Variants in XKR6 observed in about 807,000 individuals in gnomAD.
The protein encoded by XKR6 is XK related 6.
Under a neutral mutation model 56.7 loss-of-function variants are expected in XKR6, and 22 were observed. The ratio of observed to expected loss-of-function variants is 0.39; its 90% confidence interval spans 0.28 to 0.55. XKR6 has a LOEUF of 0.55. XKR6 is among the 20% of genes least tolerant of loss of function. The probability of loss-of-function intolerance (pLI) is 0.66; values close to 1 mark genes in which losing one functional copy is unlikely to be tolerated. For synonymous variants in XKR6, 524 were observed against 387.8 expected (o/e 1.35, Z -4.13); for missense variants, 852 against 889.0 (o/e 0.96, Z 0.53).
At chr8:10,919,741 T>C (rs1800659938) in intron 2 of XKR6, among the ~76,000 whole-genome samples, 1 of 152,204 alleles carries the variant, frequency 6.6e-6, no homozygotes, top group Non-Finnish European at 1.5e-5. Context: ...GGACTGCTTT[T>C]CCAACCCTTT....
intron 1 of XKR6, among the ~76,000 whole-genome samples, chr8:11,051,174 A>C (rs1799535633): frequency 1.3e-5 from 2 of 149,510 alleles, no homozygotes; most frequent in African/African-American, 4.9e-5. Context: ...CATCTGCTAG[A>C]CTCCTTTCTT....
In XKR6 at chr8:11,126,296, G is replaced by A. The variant is rs192320002; in HGVS notation, c.764+74280C>T. 6.6e-3 allele frequency among the ~76,000 whole-genome samples: 1,011 copies of A among 152,210 alleles called. 15 individuals carry two copies. The highest frequency in any genetic ancestry group is 0.03 in the South Asian group (145 of 4,824). On this transcript the variant is annotated intron_variant, in intron 1 of 2. Transcript: ENST00000416569. ...TTGGTCAGGCTGGTCTTGAACTCCT[G>A]ACCTTGTGATCCGCCCACCTCGGCC... is the stretch of plus-strand genomic sequence containing the variant.
chr8:11,026,134 T>C (rs1798855216), intron 1 of XKR6, among the ~76,000 whole-genome samples: 1 of 152,044 alleles, frequency 6.6e-6, no homozygotes, highest in South Asian at 2.1e-4. Context: ...CATGCCTAGA[T>C]GGTGTCGCCT....
intron 1 of XKR6, among the ~76,000 whole-genome samples, chr8:11,095,970 A>G (rs1471707094): frequency 6.6e-6 from 1 of 152,256 alleles, no homozygotes; most frequent in Admixed American, 6.5e-5. Flanking sequence ...TTTTAACCAC[A>G]AGAGCAGAAG....
chr8:11,157,793 G>A (rs527895991), intron 1 of XKR6, among the ~76,000 whole-genome samples: 1 of 152,250 alleles, frequency 6.6e-6, no homozygotes, highest in African/African-American at 2.4e-5. Context: ...GGGATTACAG[G>A]CGTGAGCCAC....
At chr8:10,911,923 G>A (rs1002642913) in intron 2 of XKR6, among the ~76,000 whole-genome samples, 1 of 149,848 alleles carries the variant, frequency 6.7e-6, no homozygotes, top group Non-Finnish European at 1.5e-5. Context: ...GAGAGGGAGG[G>A]TGAGACTGTA....
intron 1 of XKR6, among the ~76,000 whole-genome samples, chr8:11,118,399 G>T (rs984819413): frequency 1.3e-5 from 2 of 152,162 alleles, no homozygotes; most frequent in African/African-American, 2.4e-5. Flanking sequence ...GCTCCTCCTT[G>T]TACCTCTGGT....
At chr8:11,139,433 C>A (rs936954689) in intron 1 of XKR6, among the ~76,000 whole-genome samples, 1 of 152,138 alleles carries the variant, frequency 6.6e-6, no homozygotes, top group Non-Finnish European at 1.5e-5. Flanking sequence ...AACACCCCAA[C>A]AGCCTGAGGC....
intron 2 of XKR6, among the ~76,000 whole-genome samples, chr8:10,911,355 G>GTATA (rs775272438): frequency 4.2e-5 from 5 of 119,214 alleles, no homozygotes; most frequent in South Asian, 2.6e-4. Flanking sequence ...GTGTGTGTGT[G>GTATA]TATATATATA....
chr8:11,084,029 T>C (rs1334731474), intron 1 of XKR6, among the ~76,000 whole-genome samples: 1 of 152,260 alleles, frequency 6.6e-6, no homozygotes, highest in East Asian at 1.9e-4. Context: ...TGGGAATCCC[T>C]AAGTCCTGGC....
In XKR6 at chr8:10,924,765, T is replaced by G. The variant is rs1016909839; in HGVS notation, c.830A>C (p.Tyr277Ser). The stretch of plus-strand genomic sequence containing the variant: ...TGCATATTCATACATCATAGCCCAG[T>G]AGAAGCGTCGCTGGTGTTCCTTCCG... ...QRRKEHQRRF[Y>S]WAMMYEYADV... Residue 277 changes from tyrosine (Y) to serine (S), a missense_variant, in exon 2 of 3, where the codon TAC becomes TCC. By Grantham distance (144) the Tyr-to-Ser change is moderately radical. Around this residue, in one of 4 missense-constraint regions of XKR6, gnomAD observed 199 missense variants for 280.4 expected, o/e 0.71. Transcript: ENST00000416569. 1 of 1,613,880 alleles carries G rather than the reference T, an allele frequency of 6.2e-7. No homozygotes were observed. The highest frequency in any genetic ancestry group is 1.3e-5 in the African/African-American group (1 of 74,878).
At chr8:11,070,566 G>A (rs1054879842) in intron 1 of XKR6, among the ~76,000 whole-genome samples, 1 of 152,136 alleles carries the variant, frequency 6.6e-6, no homozygotes, top group African/African-American at 2.4e-5. Context: ...TCTTTAGGCT[G>A]GTTCCATCCT....
intron 2 of XKR6, among the ~76,000 whole-genome samples, chr8:10,903,536 C>G (rs1260294522): frequency 6.6e-6 from 1 of 152,142 alleles, no homozygotes. Context: ...TGCTGAAGCT[C>G]TAACCCCTAG....
intron 1 of XKR6, among the ~76,000 whole-genome samples, chr8:10,984,281 T>C (rs1797801081): frequency 6.6e-6 from 1 of 152,232 alleles, no homozygotes; most frequent in South Asian, 2.1e-4. Flanking sequence ...AAAATAAAAC[T>C]CTTTATTGTA....
intron 1 of XKR6, among the ~76,000 whole-genome samples, chr8:11,041,713 C>T (rs2129156221): frequency 6.6e-6 from 1 of 152,238 alleles, no homozygotes; most frequent in Non-Finnish European, 1.5e-5. Context: ...GGGCCCAGGG[C>T]CCTGGGGGCT....
intron 1 of XKR6, among the ~76,000 whole-genome samples, chr8:10,978,766 G>A (rs1365812652): frequency 6.6e-6 from 1 of 152,106 alleles, no homozygotes; most frequent in African/African-American, 2.4e-5. Context: ...CCTGGCCAGG[G>A]GCAGCCAGAC....
chr8:11,135,380 G>T (rs139255372), intron 1 of XKR6, among the ~76,000 whole-genome samples: 1 of 152,216 alleles, frequency 6.6e-6, no homozygotes, highest in East Asian at 1.9e-4. Flanking sequence ...CTGCCACCCT[G>T]TAATTTAGAA....
At chr8:11,099,824 G>C (rs773409054) in intron 1 of XKR6, among the ~76,000 whole-genome samples, 1 of 152,160 alleles carries the variant, frequency 6.6e-6, no homozygotes, top group African/African-American at 2.4e-5. Flanking sequence ...GGAAGTTAAG[G>C]GAGACCATGG....
intron 1 of XKR6, among the ~76,000 whole-genome samples, chr8:10,947,224 T>C (rs1180246278): frequency 6.6e-6 from 1 of 151,782 alleles, no homozygotes; most frequent in African/African-American, 2.4e-5. Context: ...AGAGAGAAAA[T>C]GAAGACACGT....
Sources: gnomAD v4.1 joint callset for allele counts (sites outside exome capture counted in the v4.1 genomes callset) on GRCh38, gnomAD v4.1.1 for gene constraint, gnomAD v4.1.1 regional missense constraint, MANE v1.5 for transcripts, NCBI Gene and HGNC (gene_info 2026-07-23, HGNC 2026-07-21) for gene names.